Variants in NOC2L observed in about 807,000 individuals in gnomAD.
NOC2L encodes NOC2 like nucleolar associated transcriptional repressor.
Under a neutral mutation model 94.2 loss-of-function variants are expected in NOC2L, and 101 were observed. That is an observed-to-expected ratio of 1.07 (90% CI 0.91 to 1.26). The LOEUF (loss-of-function observed/expected upper bound fraction) is 1.26, where lower values mean the gene tolerates loss of function less well. Among genes scored for constraint, NOC2L ranks in the 50% most tolerant of loss-of-function variants. NOC2L has a pLI of 0.00. For synonymous variants in NOC2L, 531 were observed against 413.4 expected (o/e 1.28, Z -3.45); for missense variants, 1,076 against 980.1 (o/e 1.10, Z -1.31).
At chr1:945,310 G>C (rs1642071301) in intron 17 of NOC2L, 164 bp from the exon 18 acceptor site, 3 of 1,005,798 alleles carry the variant, frequency 3.0e-6, no homozygotes, top group Non-Finnish European at 1.4e-6. Context: ...CACAGGCCTG[G>C]GGACAGAGTT....
Position 951,241 on chromosome 1 carries a change from G to T in NOC2L, c.1332-3C>A. 1 of 1,573,462 alleles carries T rather than the reference G, an allele frequency of 6.4e-7. No individual in the cohort carries two copies. Among genetic ancestry groups the T allele is most frequent in the Non-Finnish European group, 8.6e-7 (1 of 1,159,232 alleles). ...AGAAGCGGGCAGTGGGGATGAGCCTGGGGGTGGGAAGGCCGAGTGAGCAGA... is the reference window on the plus strand; with the variant it reads ...AGAAGCGGGCAGTGGGGATGAGCCTTGGGGTGGGAAGGCCGAGTGAGCAGA... On this transcript the variant is annotated splice_region_variant and splice_polypyrimidine_tract_variant and intron_variant, in intron 11 of 18. Coordinates refer to ENST00000327044, the MANE Select transcript of NOC2L (RefSeq NM_015658.4).
rs199632842 is a variant in NOC2L, at chr1:944,706, T to C, written c.2238A>G (p.Ser746=). ...PEDELEDLQL[S]EDD ...CAGATGGGCTGCCTCAGTCGTCCTC[T>C]GAGAGCTGCAGATCCTCCAGCTCGT... Residue 746 remains serine, a synonymous_variant, in exon 19 of 19, where the codon TCA becomes TCG. Coordinates refer to ENST00000327044, the MANE Select transcript of NOC2L (RefSeq NM_015658.4). 5 of 1,597,582 alleles carry C rather than the reference T, an allele frequency of 3.1e-6. No individual in the cohort carries two copies. The East Asian group carries it at 6.7e-5, about 21-fold the overall frequency.
intron 12 of NOC2L, among the ~76,000 whole-genome samples, chr1:949,274 G>A (rs1642193121): frequency 6.6e-6 from 1 of 152,244 alleles, no homozygotes; most frequent in African/African-American, 2.4e-5. Context: ...TGGGGCACCA[G>A]AGGACAGAAG....
chr1:945,085 C>G lies in NOC2L; in HGVS notation c.2115G>C (p.Glu705Asp), dbSNP rs759940488. Residue 705 changes from glutamate to aspartate, a missense_variant, in exon 18 of 19, where the codon GAG becomes GAC. Coordinates refer to ENST00000327044, the MANE Select transcript of NOC2L (RefSeq NM_015658.4). ...CCGAGTTGCTGCTGTCCTCCTCGCC[C>G]TCCTCCTCGTCCTCTTCATCGTCTT... ...GVEDDEEDEE[E>D]GEEDSSNSED... 6 of 1,611,980 alleles carry G rather than the reference C, an allele frequency of 3.7e-6. No homozygotes were observed. Among genetic ancestry groups the G allele is most frequent in the South Asian group, 1.1e-5 (1 of 89,248 alleles).
Position 945,050 on chromosome 1 carries a change from C to T in NOC2L, c.2143+7G>A. 2 of 1,614,148 alleles carry T rather than the reference C, an allele frequency of 1.2e-6. No individual in the cohort carries two copies. The highest frequency in any genetic ancestry group is 1.7e-6 in the Non-Finnish European group (2 of 1,179,984). ...GGGCCACACCCTCTCACCCCAAGAC[C>T]ATTCACCCTCCGAGTTGCTGCTGTC... On this transcript the variant is annotated splice_region_variant and intron_variant, in intron 18 of 18. Transcript: ENST00000327044.
At chr1:948,062 C>A (rs959848145) in intron 14 of NOC2L, 69 bp downstream of exon 14, 7 of 1,298,468 alleles carry the variant, frequency 5.4e-6, no homozygotes, top group Non-Finnish European at 7.6e-6. Flanking sequence ...CTCCTACCAG[C>A]CTGGGGCAGC....
chr1:955,885 C>T, intron 6 of NOC2L, 38 bp downstream of exon 6: 1 of 1,540,596 alleles, frequency 6.5e-7, no homozygotes, highest in Admixed American at 1.7e-5. Flanking sequence ...TCCCGACCCA[C>T]CTTCCACCCT....
In NOC2L at chr1:952,017, G is replaced by C; in HGVS notation, c.1314C>G (p.Val438=). The C allele has an allele frequency of 6.2e-7, 1 of 1,612,800 alleles. No homozygotes were observed. Among genetic ancestry groups the C allele is most frequent in the Non-Finnish European group, 8.5e-7 (1 of 1,179,506 alleles). Residue 438 remains valine (V), a synonymous_variant, in exon 11 of 19, where the codon GTC becomes GTG. Coordinates refer to ENST00000327044, the MANE Select transcript of NOC2L (RefSeq NM_015658.4). ...LQPLVYPLAQ[V]IIGCIKLIPT... ...CAACTCACTTGATACAGCCAATGAT[G>C]ACTTGGGCAAGGGGGTAGACCAAGG...
rs76879351 is a variant in NOC2L at position 948,253 on chromosome 1, C to T, written c.1558-21G>A. On this transcript the variant is annotated intron_variant, in intron 13 of 18. Coordinates refer to ENST00000327044, the MANE Select transcript of NOC2L (RefSeq NM_015658.4). The stretch of plus-strand genomic sequence containing the variant: ...CCGTCCTGAAGAGCAGGAGAGAGGG[C>T]CGAGTGCATCAGGGAGAGGCTGGGG... 42 of 1,546,164 alleles carry T rather than the reference C, an allele frequency of 2.7e-5. No homozygotes were observed. In the East Asian group the frequency reaches 9.3e-4, roughly 34 times the overall value.
chr1:947,188 C>G (rs558207077), intron 14 of NOC2L: 1 of 152,300 alleles, frequency 6.6e-6, no homozygotes, highest in Non-Finnish European at 1.5e-5. Flanking sequence ...GGCCCCTCAC[C>G]AAAAACATTT....
Position 952,528 on chromosome 1 carries a change from G to C in NOC2L, c.1075C>G (p.Gln359Glu). 3 of 1,613,920 alleles carry C rather than the reference G, an allele frequency of 1.9e-6. No homozygotes were observed. The highest frequency in any genetic ancestry group is 2.5e-6 in the Non-Finnish European group (3 of 1,180,004). Residue 359 changes from glutamine (Q) to glutamate (E), a missense_variant, in exon 10 of 19, where the codon CAG becomes GAG. Gln to Glu is a conservative substitution (Grantham distance 29). This residue lies in a region of NOC2L where 615 missense variants were observed against 577.4 expected (regional missense o/e 1.07). Transcript: ENST00000327044. The part of the protein sequence containing the change: ...PGALPFISFM[Q>E]WTLTELLALE... ...GCCAGCAGCTCCGTCAAGGTCCACT[G>C]CATGAAACTGATGAAGGGGAGGGCA...
At chr1:950,481 AGGTACACACT>A (rs1380992641) in intron 12 of NOC2L, among the ~76,000 whole-genome samples, 3 of 151,896 alleles carry the variant, frequency 2.0e-5, no homozygotes, top group African/African-American at 7.3e-5. Flanking sequence ...AGGTACACAC[AGGTACACACT>A]GGTATACAAA....
intron 2 of NOC2L, 143 bp downstream of exon 2, chr1:958,786 A>C (rs1557624729): frequency 1.2e-6 from 1 of 829,170 alleles, no homozygotes; most frequent in Non-Finnish European, 2.0e-6. Context: ...CATCGGATGA[A>C]AGAGTAAGTT....
Position 956,228 on chromosome 1 carries a change from G to A in NOC2L, c.487-13C>T. 1 of 1,612,420 alleles carries A rather than the reference G, an allele frequency of 6.2e-7. No individual in the cohort carries two copies. Among genetic ancestry groups the A allele is most frequent in the Non-Finnish European group, 8.5e-7 (1 of 1,179,990 alleles). ...GAGTGAGGCGTTGCTGAAGGAGCAAGAGTACCAGGGGCGTCAGGGGAGCTG... is the reference window on the plus strand; with the variant it reads ...GAGTGAGGCGTTGCTGAAGGAGCAAAAGTACCAGGGGCGTCAGGGGAGCTG... On this transcript the variant is annotated splice_polypyrimidine_tract_variant and intron_variant, in intron 4 of 18. Transcript: ENST00000327044.
chr1:955,677 A>G lies in NOC2L; in HGVS notation c.698+246T>C, dbSNP rs1010349059. ...GAGCAAAGGCAGCTGCACACGCCAC[A>G]CCTTCTGAGACTCTGAGCAGACAAC... On this transcript the variant is annotated intron_variant, in intron 6 of 18. Coordinates refer to ENST00000327044, the MANE Select transcript of NOC2L (RefSeq NM_015658.4). Among the ~76,000 whole-genome samples, 10 of 152,292 alleles carry G rather than the reference A, an allele frequency of 6.6e-5. No homozygotes were observed. In the South Asian group the frequency reaches 1.9e-3, roughly 28 times the overall value.
In NOC2L at chr1:954,022, G is replaced by C. The variant is rs758439566; in HGVS notation, c.759C>G (p.Tyr253Ter). 3 of 1,606,820 alleles carry C rather than the reference G, an allele frequency of 1.9e-6. No individual in the cohort carries two copies. The highest frequency in any genetic ancestry group is 2.6e-6 in the Non-Finnish European group (3 of 1,175,168). The change falls in exon 7 of 19, where the codon TAC (tyrosine) becomes TAG (stop). Residue 253 changes from tyrosine (Y) to a stop codon, truncating the protein, a stop_gained. Transcript: ENST00000327044. LOFTEE classifies it high-confidence loss of function. Reference sequence around the variant, plus strand: ...ATAGCACCTGTATGGCCGAGCCCAGGTAAGCCTTGATGTCCACACGAAGCT... The same window carrying C: ...ATAGCACCTGTATGGCCGAGCCCAGCTAAGCCTTGATGTCCACACGAAGCT... ...WGKLRVDIKA[Y>*]LGSAIQLVSC... is the part of the protein sequence containing the mutation.
rs748524318 is a variant in NOC2L at position 953,135 on chromosome 1, T to C, written c.1002+40A>G. 8 of 1,455,438 alleles carry C rather than the reference T, an allele frequency of 5.5e-6. No homozygotes were observed. The East Asian group carries it at 9.1e-5, about 17-fold the overall frequency. 90.2% of individuals were successfully genotyped at this position (1,455,438 alleles called of 1,614,324 possible). A position where few individuals can be genotyped will look rare whatever the true frequency, so the allele number is the denominator to read the frequency against. On this transcript the variant is annotated intron_variant, in intron 9 of 18. Coordinates refer to ENST00000327044, the MANE Select transcript of NOC2L (RefSeq NM_015658.4). ...CCTGCCCTTAGGCCGAGATTTCCAA[T>C]GCAGATGCTGAGGGACACAGACGCA...
rs765188247 is a variant in NOC2L, at chr1:955,938, G to A, written c.683C>T (p.Ala228Val). ...CLQKLLFGKV[A>V]KDSSRMLQPS... ...CCCCTCTTACCTGCTGCTATCCTTT[G>A]CCACCTTTCCAAACAGCAGCTTCTG... Residue 228 changes from alanine to valine, a missense_variant, in exon 6 of 19, where the codon GCA (alanine) becomes GTA (valine). Around this residue, in one of 3 missense-constraint regions of NOC2L, gnomAD observed 457 missense variants for 386.0 expected, o/e 1.18. Transcript: ENST00000327044. 4.7e-5 allele frequency: 74 copies of A among 1,577,018 alleles called. 1 individual carries two copies. Among genetic ancestry groups the A allele is most frequent in the Admixed American group, 1.7e-4 (10 of 58,878 alleles).
intron 12 of NOC2L, among the ~76,000 whole-genome samples, chr1:949,794 T>C (rs375735465): frequency 1.3e-5 from 2 of 152,232 alleles, no homozygotes; most frequent in South Asian, 2.1e-4. Flanking sequence ...TGAACATGGC[T>C]TCCTAAAGAT....
Sources: allele counts gnomAD v4.1 joint callset (sites outside exome capture counted in the v4.1 genomes callset), GRCh38; gene constraint gnomAD v4.1.1; regional missense constraint gnomAD v4.1.1; transcripts MANE v1.5; gene names NCBI Gene and HGNC (gene_info 2026-07-23, HGNC 2026-07-21).